The following INVS variants were observed in gnomAD, a reference collection of about 807,000 sequenced individuals.
INVS encodes inversin, also known as inversion of embryo turning homolog.
In INVS, 86 loss-of-function variants were observed where a neutral mutation model predicts 108.8. The observed-to-expected ratio is 0.79, with a 90% CI of 0.66 to 0.95. INVS has a LOEUF of 0.95. Among genes scored for constraint, INVS ranks in the 40% least tolerant of loss-of-function variants. The pLI is 0.00. For missense variants in INVS, 1,169 were observed against 1,297.4 expected, an observed-to-expected ratio of 0.90 and a Z score of 1.52; for synonymous variants, 455 against 473.5, an observed-to-expected ratio of 0.96 and a Z score of 0.51.
chr9:100,111,548 A>C (rs1827337968), intron 2 of INVS, among the ~76,000 whole-genome samples: 1 of 152,244 alleles, frequency 6.6e-6, no homozygotes, highest in African/African-American at 2.4e-5. Context: ...CACAGTTGCC[A>C]GAATAATTAG....
At chr9:100,277,426 T>C (rs1440251859) in intron 12 of INVS, among the ~76,000 whole-genome samples, 2 of 152,198 alleles carry the variant, frequency 1.3e-5, no homozygotes, top group Non-Finnish European at 2.9e-5. Flanking sequence ...ATAGTTCTAT[T>C]TCATGCCATT....
chr9:100,191,060 T>C (rs1389932784), intron 3 of INVS, among the ~76,000 whole-genome samples: 3 of 152,036 alleles, frequency 2.0e-5, no homozygotes, highest in Admixed American at 2.0e-4. Flanking sequence ...GGGTTCTCTC[T>C]ATGTTGCCCA....
At chr9:100,201,798 A>G (rs775257174) in intron 3 of INVS, among the ~76,000 whole-genome samples, 2 of 152,244 alleles carry the variant, frequency 1.3e-5, no homozygotes, top group Non-Finnish European at 2.9e-5. Flanking sequence ...TACTTTAAAC[A>G]GCTATCCAAA....
At chr9:100,118,623 ATGTTTT>A (rs1242657794) in intron 2 of INVS, among the ~76,000 whole-genome samples, 2 of 152,006 alleles carry the variant, frequency 1.3e-5, no homozygotes, top group East Asian at 1.9e-4. Context: ...GTTTTTGTAT[ATGTTTT>A]TGTTTTTGTA....
chr9:100,257,005 G>T (rs796096037), intron 10 of INVS, among the ~76,000 whole-genome samples: 1 of 152,126 alleles, frequency 6.6e-6, no homozygotes, highest in Non-Finnish European at 1.5e-5. Context: ...TGTTGACAGT[G>T]GGGTGTTAAA....
chr9:100,103,106 C>T lies in INVS; in HGVS notation c.-24-1392C>T, dbSNP rs534527145. 6.6e-5 allele frequency among the ~76,000 whole-genome samples: 10 copies of T among 152,130 alleles called. No homozygotes were observed. The South Asian group carries it at 2.1e-3, about 32-fold the overall frequency. On this transcript the variant is annotated intron_variant, in intron 1 of 16. Coordinates refer to ENST00000262457, the MANE Select transcript of INVS (RefSeq NM_014425.5). ...GACCTCAGGTGATCTGCCCGCCTTG[C>T]CCTCCCAAAGTGCTGGGATTACAGG...
chr9:100,156,083 C>A (rs966899443), intron 3 of INVS, among the ~76,000 whole-genome samples: 2 of 151,988 alleles, frequency 1.3e-5, no homozygotes, highest in Non-Finnish European at 1.5e-5. Context: ...ATGAAATGAG[C>A]CTGGCTCATC....
rs183836981 is a variant in INVS, at chr9:100,257,449, T to G, written c.1464+4313T>G. ...TTATGTGTGAATTTGATCCTGTCAT[T>G]ATGATGTTAGCTGGTTATTTTGCTC... is the stretch of plus-strand genomic sequence containing the variant. On this transcript the variant is annotated intron_variant, in intron 10 of 16. Coordinates refer to ENST00000262457, the MANE Select transcript of INVS (RefSeq NM_014425.5). 1.3e-5 allele frequency among the ~76,000 whole-genome samples: 2 copies of G among 152,344 alleles called. 1 individual carries two copies. Among genetic ancestry groups the G allele is most frequent in the East Asian group, 3.9e-4 (2 of 5,184 alleles).
intron 11 of INVS, among the ~76,000 whole-genome samples, chr9:100,265,783 A>G (rs747483444): frequency 6.6e-5 from 10 of 152,192 alleles, no homozygotes; most frequent in Non-Finnish European, 1.3e-4. Context: ...GCCCAATAAA[A>G]AGGACCAAAC....
chr9:100,126,295 A>G, intron 2 of INVS, 88 bp from the exon 3 acceptor site: 2 of 1,034,096 alleles, frequency 1.9e-6, no homozygotes, highest in East Asian at 2.6e-5. Flanking sequence ...ATTTAGCACA[A>G]TGTTTGATAA....
intron 2 of INVS, among the ~76,000 whole-genome samples, chr9:100,106,933 G>A (rs140499216): frequency 9.1e-4 from 133 of 146,118 alleles, no homozygotes; most frequent in African/African-American, 3.0e-3. Context: ...TAAAACTCAC[G>A]GTGCTCAATT....
At chr9:100,264,714 A>C (rs1832732550) in intron 10 of INVS, 108 bp from the exon 11 acceptor site, 1 of 779,348 alleles carries the variant, frequency 1.3e-6, no homozygotes, top group Non-Finnish European at 2.2e-6. Context: ...TTTTGTAAAT[A>C]AGCAATTTGG....
chr9:100,282,655 G>T (rs911473785), intron 12 of INVS, among the ~76,000 whole-genome samples: 1 of 152,136 alleles, frequency 6.6e-6, no homozygotes, highest in African/African-American at 2.4e-5. Context: ...TAGGGTCTCC[G>T]CCTTGTCTCA....
intron 3 of INVS, among the ~76,000 whole-genome samples, chr9:100,212,671 A>G (rs1168274961): frequency 6.6e-6 from 1 of 151,964 alleles, no homozygotes; most frequent in Non-Finnish European, 1.5e-5. Flanking sequence ...GAATCTTCTT[A>G]TGTATTTCAC....
intron 12 of INVS, among the ~76,000 whole-genome samples, chr9:100,279,674 A>T (rs143029614): frequency 2.7e-4 from 41 of 152,334 alleles, no homozygotes; most frequent in African/African-American, 9.9e-4. Flanking sequence ...GCTGGGTTAA[A>T]TCAGTATGAC....
intron 10 of INVS, among the ~76,000 whole-genome samples, chr9:100,259,089 G>T (rs1024509099): frequency 6.6e-6 from 1 of 152,168 alleles, no homozygotes; most frequent in Non-Finnish European, 1.5e-5. Context: ...CTGGCCGGCC[G>T]CTTTGTTTAC....
chr9:100,278,490 T>G (rs1311572464), intron 12 of INVS, among the ~76,000 whole-genome samples: 6 of 152,212 alleles, frequency 3.9e-5, no homozygotes, highest in Non-Finnish European at 5.9e-5. Context: ...ATGGGTCTGA[T>G]TCCCTGACTC....
At chr9:100,115,858 C>G (rs558825049) in intron 2 of INVS, among the ~76,000 whole-genome samples, 63 of 152,214 alleles carry the variant, frequency 4.1e-4, no homozygotes, top group African/African-American at 1.3e-3. Context: ...CTAGATCCCT[C>G]AGGAATCGCC....
At position 100,202,413 on chromosome 9, in the gene INVS, C is replaced by T. The variant is rs533878309; in HGVS notation, c.274-23649C>T. ...CTTCAGGCAGAGGGAATAGAGTGAG[C>T]AAAGATTAAAAGGCAGAAATGGCCA... is the stretch of plus-strand genomic sequence containing the variant. On this transcript the variant is annotated intron_variant, in intron 3 of 16. Transcript: ENST00000262457. 5.9e-5 allele frequency among the ~76,000 whole-genome samples: 9 copies of T among 152,198 alleles called. No homozygotes were observed. In the East Asian group the frequency reaches 1.4e-3, roughly 23 times the overall value.
Sources: allele counts gnomAD v4.1 joint callset (sites outside exome capture counted in the v4.1 genomes callset), GRCh38; gene constraint gnomAD v4.1.1; transcripts MANE v1.5; gene names NCBI Gene and HGNC (gene_info 2026-07-23, HGNC 2026-07-21).